CBFA2T3: variants seen among roughly 807,000 people sequenced by gnomAD.
CBFA2T3 encodes CBFA2/RUNX1 partner transcriptional co-repressor 3.
A neutral mutation model predicts 58.6 loss-of-function variants in CBFA2T3; 31 were observed. That is an observed-to-expected ratio of 0.53 (90% CI 0.40 to 0.71). The LOEUF (loss-of-function observed/expected upper bound fraction) is 0.71, where lower values mean the gene tolerates loss of function less well. Among genes scored for constraint, CBFA2T3 ranks in the 30% least tolerant of loss-of-function variants. CBFA2T3 has a pLI of 0.00. For synonymous variants in CBFA2T3, 531 were observed against 421.9 expected, an observed-to-expected ratio of 1.26 and a Z score of -3.17; for missense variants, 1,076 against 963.1, an observed-to-expected ratio of 1.12 and a Z score of -1.55.
intron 1 of CBFA2T3, among the ~76,000 whole-genome samples, chr16:88,946,787 TTTTG>T (rs966133272): frequency 5.5e-4 from 83 of 151,732 alleles, no homozygotes; most frequent in African/African-American, 1.9e-3. Flanking sequence ...GGCTGAGTTT[TTTTG>T]TTTGTTTATT....
At chr16:88,929,009 G>T (rs954940350) in intron 1 of CBFA2T3, among the ~76,000 whole-genome samples, 2 of 152,216 alleles carry the variant, frequency 1.3e-5, no homozygotes, top group Non-Finnish European at 2.9e-5. Flanking sequence ...GAGGCCCCAC[G>T]AGGACCTCGG....
At chr16:88,975,220 C>CACA (rs1567644098) in intron 1 of CBFA2T3, among the ~76,000 whole-genome samples, 34 of 127,932 alleles carry the variant, frequency 2.7e-4, no homozygotes, top group South Asian at 4.8e-4. Context: ...CCCTCTGCTC[C>CACA]TCACCTGCAG....
intron 1 of CBFA2T3, among the ~76,000 whole-genome samples, chr16:88,925,754 T>C (rs1315745070): frequency 6.6e-6 from 1 of 152,180 alleles, no homozygotes; most frequent in Non-Finnish European, 1.5e-5. Context: ...TGTGTGGAGA[T>C]GGCAATGTGC....
At chr16:88,962,536 G>T (rs183621530) in intron 1 of CBFA2T3, among the ~76,000 whole-genome samples, 1 of 152,206 alleles carries the variant, frequency 6.6e-6, no homozygotes, top group African/African-American at 2.4e-5. Context: ...CCGAAGGAGA[G>T]GCCCAGGGCC....
chr16:88,934,107 G>A (rs892070710), intron 1 of CBFA2T3, among the ~76,000 whole-genome samples: 2 of 152,074 alleles, frequency 1.3e-5, no homozygotes, highest in African/African-American at 4.8e-5. Flanking sequence ...AATGATCCAC[G>A]CCCCTTCCCT....
chr16:88,927,584 G>A (rs1971125324), intron 1 of CBFA2T3, among the ~76,000 whole-genome samples: 1 of 152,202 alleles, frequency 6.6e-6, no homozygotes, highest in Non-Finnish European at 1.5e-5. Flanking sequence ...CCAGGTACCA[G>A]CCTGGCATGC....
At chr16:88,917,925 G>A (rs1439109680) in intron 1 of CBFA2T3, among the ~76,000 whole-genome samples, 5 of 152,304 alleles carry the variant, frequency 3.3e-5, no homozygotes, top group East Asian at 1.9e-4. Context: ...TCCGGGGTGC[G>A]TGGAGGGACC....
chr16:88,954,286 G>GCCCAAGTCTCCTGACCCA, intron 1 of CBFA2T3, among the ~76,000 whole-genome samples: 1 of 152,006 alleles, frequency 6.6e-6, no homozygotes, highest in Middle Eastern at 3.4e-3. Context: ...CTACAGCCCT[G>GCCCAAGTCTCCTGACCCA]CCCAAGTCTC....
At chr16:88,967,562 C>T (rs1049438703) in intron 1 of CBFA2T3, among the ~76,000 whole-genome samples, 16 of 152,142 alleles carry the variant, frequency 1.1e-4, no homozygotes, top group African/African-American at 2.9e-4. Context: ...GATCCCATCT[C>T]GCCGCCCCCA....
chr16:88,886,293 T>G, intron 5 of CBFA2T3, 151 bp from the exon 6 acceptor site: 1 of 490,596 alleles, frequency 2.0e-6, no homozygotes, highest in East Asian at 3.5e-5. Context: ...GGGCCTCAAG[T>G]TCCTTCCTAG....
chr16:88,952,532 G>C (rs1597784945), intron 1 of CBFA2T3, among the ~76,000 whole-genome samples: 1 of 152,014 alleles, frequency 6.6e-6, no homozygotes, highest in Non-Finnish European at 1.5e-5. Context: ...ATGCGGCCCT[G>C]CCACTCCCTG....
intron 5 of CBFA2T3, among the ~76,000 whole-genome samples, chr16:88,889,332 A>G (rs989012288): frequency 7.6e-5 from 7 of 91,792 alleles, no homozygotes; most frequent in Admixed American, 6.3e-4. Flanking sequence ...GGAGGAAAGG[A>G]GGGGGTGGTG....
chr16:88,920,062 G>A (rs535847758), intron 1 of CBFA2T3, among the ~76,000 whole-genome samples: 180 of 152,362 alleles, frequency 1.2e-3, no homozygotes, highest in Non-Finnish European at 2.2e-3. Flanking sequence ...TGGGGTGGGC[G>A]TTCCTGCCTC....
chr16:88,970,728 G>T lies in CBFA2T3; in HGVS notation c.151+5929C>A, dbSNP rs563489448. ...GAGCACGGAGGCCTCGCCTCGCCTG[G>T]AGATGGAATAGACTCACGCCTTCCA... On this transcript the variant is annotated intron_variant, in intron 1 of 11. Coordinates refer to ENST00000268679, the MANE Select transcript of CBFA2T3 (RefSeq NM_005187.6). Among the ~76,000 whole-genome samples the T allele has an allele frequency of 2.2e-3, 330 of 152,352 alleles. 1 individual carries two copies. Among genetic ancestry groups the T allele is most frequent in the African/African-American group, 7.8e-3 (323 of 41,586 alleles).
At chr16:88,973,280 G>A (rs1252872306) in intron 1 of CBFA2T3, among the ~76,000 whole-genome samples, 1 of 152,226 alleles carries the variant, frequency 6.6e-6, no homozygotes, top group Non-Finnish European at 1.5e-5. Flanking sequence ...GGCAGAGGAA[G>A]ATTTGGGAGG....
At chr16:88,912,825 T>TC (rs1970573046) in intron 1 of CBFA2T3, among the ~76,000 whole-genome samples, 1 of 152,182 alleles carries the variant, frequency 6.6e-6, no homozygotes, top group Non-Finnish European at 1.5e-5. Flanking sequence ...TCGAGGCCTG[T>TC]CCCCTCTGCC....
intron 1 of CBFA2T3, among the ~76,000 whole-genome samples, chr16:88,918,058 G>A (rs965255836): frequency 2.6e-5 from 4 of 152,110 alleles, no homozygotes; most frequent in Non-Finnish European, 5.9e-5. Context: ...TTCCCGCCAC[G>A]TCCTGTGAGC....
intron 1 of CBFA2T3, among the ~76,000 whole-genome samples, chr16:88,961,913 T>G (rs7203308): frequency 4.8e-5 from 3 of 62,456 alleles, no homozygotes; most frequent in African/African-American, 5.4e-5. Context: ...CGACCCTCAG[T>G]GCTGGGCATT....
intron 3 of CBFA2T3, among the ~76,000 whole-genome samples, chr16:88,892,708 C>T (rs891754608): frequency 1.3e-5 from 2 of 152,188 alleles, no homozygotes; most frequent in Admixed American, 1.3e-4. Context: ...TCCTTCCGGC[C>T]CTGCTCTGAG....
Sources: allele counts gnomAD v4.1 joint callset (sites outside exome capture counted in the v4.1 genomes callset), GRCh38; gene constraint gnomAD v4.1.1; transcripts MANE v1.5; gene names NCBI Gene and HGNC (gene_info 2026-07-23, HGNC 2026-07-21).